VPS35L: variants seen among roughly 807,000 people sequenced by gnomAD.
VPS35L encodes the protein VPS35 endosomal protein-sorting factor-like.
A neutral mutation model predicts 133.0 loss-of-function variants in VPS35L; 83 were observed. The ratio of observed to expected loss-of-function variants is 0.62; its 90% CI spans 0.52 to 0.75. The LOEUF (loss-of-function observed/expected upper bound fraction) is 0.75, where lower values mean the gene tolerates loss of function less well. Ranked by LOEUF, VPS35L falls within the 30% of genes least tolerant of loss-of-function variation. The pLI is 0.00. For synonymous variants in VPS35L, 423 were observed against 449.9 expected (o/e 0.94, Z 0.76); for missense variants, 1,083 against 1,206.8 (o/e 0.90, Z 1.52).
In VPS35L at chr16:19,616,548, A is replaced by C. The variant is rs933739454; in HGVS notation, c.1102-138A>C. On this transcript the variant is annotated intron_variant, in intron 13 of 30. Coordinates refer to ENST00000417362, the MANE Select transcript of VPS35L (RefSeq NM_020314.7). ...TGTTTTTTTTTGGTTTAAAAAAAAAAAACAACCGAGAAACCAGGCTATTTC... is the reference window on the plus strand; with the variant it reads ...TGTTTTTTTTTGGTTTAAAAAAAAACAACAACCGAGAAACCAGGCTATTTC... The C allele has an allele frequency of 1.4e-4, 175 of 1,218,566 alleles. 1 individual carries two copies. Among genetic ancestry groups the C allele is most frequent in the Admixed American group, 1.2e-4 (4 of 32,838 alleles). 75.5% of individuals were successfully genotyped at this position (1,218,566 alleles called of 1,614,324 possible).
At chr16:19,693,085 T>C (rs1975756024) in intron 29 of VPS35L, among the ~76,000 whole-genome samples, 1 of 152,192 alleles carries the variant, frequency 6.6e-6, no homozygotes, top group African/African-American at 2.4e-5. Context: ...CTACTGACCC[T>C]GGGGACCCCG....
chr16:19,663,740 A>C (rs1458050947), intron 26 of VPS35L, among the ~76,000 whole-genome samples: 1 of 115,802 alleles, frequency 8.6e-6, no homozygotes, highest in African/African-American at 3.4e-5. Flanking sequence ...TCTTCAAATG[A>C]TCTTAGAGTT....
At chr16:19,557,027 G>A (rs1054536785) in intron 1 of VPS35L, among the ~76,000 whole-genome samples, 7 of 152,166 alleles carry the variant, frequency 4.6e-5, no homozygotes, top group African/African-American at 1.7e-4. Context: ...AGCTACTTGG[G>A]AGGGTGAGGC....
At chr16:19,618,146 C>T (rs1418405614) in intron 14 of VPS35L, 1 of 147,222 alleles carries the variant, frequency 6.8e-6, no homozygotes, top group Non-Finnish European at 1.5e-5. Context: ...TTTATTTGAT[C>T]ATTGAAAAGT....
At chr16:19,556,764 AC>A (rs1160318367) in intron 1 of VPS35L, among the ~76,000 whole-genome samples, 1 of 150,890 alleles carries the variant, frequency 6.6e-6, no homozygotes, top group Non-Finnish European at 1.5e-5. Flanking sequence ...CTTCCTTGAC[AC>A]GCTACATCAG....
At chr16:19,696,902 G>A (rs1975932356) in intron 29 of VPS35L, among the ~76,000 whole-genome samples, 1 of 152,220 alleles carries the variant, frequency 6.6e-6, no homozygotes. Context: ...CTCTGAAAGA[G>A]TTTTATTTTA....
rs964948528 is a variant in VPS35L, at chr16:19,616,690, A to G, written c.1106A>G (p.His369Arg). 16 of 1,613,534 alleles carry G rather than the reference A, an allele frequency of 9.9e-6. No homozygotes were observed. Among genetic ancestry groups the G allele is most frequent in the Non-Finnish European group, 1.4e-5 (16 of 1,179,832 alleles). ...TGTTTGTTTGGCCTCCTGTAGATTC[A>G]TGGGGATACGGTCCAGAACCAGCTG... ...FDFLLTFKQI[H>R]GDTVQNQLVV... The change falls in exon 14 of 31, where the codon CAT becomes CGT. Residue 369 changes from histidine (H) to arginine (R), a missense_variant. His to Arg is a conservative substitution (Grantham distance 29). Transcript: ENST00000417362.
intron 26 of VPS35L, among the ~76,000 whole-genome samples, chr16:19,660,236 G>A (rs1974438215): frequency 6.6e-6 from 1 of 151,836 alleles, no homozygotes; most frequent in Admixed American, 6.6e-5. Flanking sequence ...AACAAGGCAC[G>A]AGAATTGTTT....
chr16:19,648,673 G>A (rs1974028411), intron 24 of VPS35L, among the ~76,000 whole-genome samples: 1 of 152,044 alleles, frequency 6.6e-6, no homozygotes, highest in African/African-American at 2.4e-5. Flanking sequence ...TTTGAGACCA[G>A]CCTGCCCAAT....
Position 19,699,040 on chromosome 16 carries a change from G to A in VPS35L, c.2647-462G>A, listed in dbSNP as rs146491503. 7.7e-4 allele frequency among the ~76,000 whole-genome samples: 117 copies of A among 152,246 alleles called. No individual in the cohort carries two copies. The highest frequency in any genetic ancestry group is 2.6e-3 in the African/African-American group (107 of 41,540). ...CACCAAGGATTGGGGAGCTCAGTTC[G>A]GGAGATGTGTTTTGGTCTTTATTAC... On this transcript the variant is annotated intron_variant, in intron 29 of 30. Coordinates refer to ENST00000417362, the MANE Select transcript of VPS35L (RefSeq NM_020314.7). The surrounding 1 kb of genome is among the most constrained non-coding windows in gnomAD (Gnocchi z 4.2).
intron 27 of VPS35L, among the ~76,000 whole-genome samples, chr16:19,681,294 T>C (rs1975267627): frequency 1.3e-5 from 2 of 152,376 alleles, no homozygotes; most frequent in Admixed American, 6.5e-5. Context: ...CCATTCCTCC[T>C]GGGCCATGTT....
Position 19,640,190 on chromosome 16 carries a change from G to A in VPS35L, c.1784+90G>A, listed in dbSNP as rs565802674. The A allele has an allele frequency of 1.6e-4, 185 of 1,165,710 alleles. 2 individuals are homozygous for A. In the African/African-American group the frequency reaches 1.9e-3, roughly 12 times the overall value. 72.2% of individuals were successfully genotyped at this position (1,165,710 alleles called of 1,614,324 possible). A position where few individuals can be genotyped will look rare whatever the true frequency, so the allele number is the denominator to read the frequency against. On this transcript the variant is annotated intron_variant, in intron 21 of 30. Transcript: ENST00000417362. ...AAATCAGTTCTTGCACTTTGAGGCC[G>A]AGTGATGTGTACGTATTTCATACAG...
intron 7 of VPS35L, among the ~76,000 whole-genome samples, chr16:19,591,453 C>T (rs1028348587): frequency 4.6e-5 from 7 of 151,480 alleles, no homozygotes; most frequent in Non-Finnish European, 7.4e-5. Context: ...CGGTGGCTCA[C>T]GCCTGTAATT....
intron 1 of VPS35L, among the ~76,000 whole-genome samples, chr16:19,560,934 T>G (rs1302709410): frequency 1.3e-5 from 2 of 152,102 alleles, no homozygotes; most frequent in Non-Finnish European, 2.9e-5. Flanking sequence ...GATAGCATCC[T>G]TGATGGGATG....
At chr16:19,580,260 C>T (rs1462359233) in intron 6 of VPS35L, among the ~76,000 whole-genome samples, 3 of 150,488 alleles carry the variant, frequency 2.0e-5, no homozygotes, top group African/African-American at 4.9e-5. Flanking sequence ...ATTACAGGCA[C>T]GCGCCACCGT....
At chr16:19,615,136 A>G (rs1037338436) in intron 12 of VPS35L, among the ~76,000 whole-genome samples, 1 of 152,160 alleles carries the variant, frequency 6.6e-6, no homozygotes, top group African/African-American at 2.4e-5. Context: ...GCTTGGTCTA[A>G]TAAGTACAAC....
At chr16:19,579,163 A>G (rs1308554071) in intron 6 of VPS35L, 35 bp downstream of exon 6, 1 of 1,595,134 alleles carries the variant, frequency 6.3e-7, no homozygotes, top group Non-Finnish European at 8.6e-7. Context: ...AGGGAGTGGG[A>G]GAGCTTTTCC....
intron 21 of VPS35L, among the ~76,000 whole-genome samples, chr16:19,641,032 G>A (rs1042059400): frequency 1.1e-4 from 17 of 151,298 alleles, no homozygotes; most frequent in Admixed American, 9.9e-4. Context: ...GAGCCACCTC[G>A]CCTAGCTAGG....
intron 24 of VPS35L, 149 bp downstream of exon 24, chr16:19,648,031 G>A (rs997005239): frequency 1.7e-5 from 12 of 714,296 alleles, no homozygotes; most frequent in Non-Finnish European, 2.6e-5. Flanking sequence ...ATAGCTCACT[G>A]TAGCCTTGAA....
Sources: allele counts gnomAD v4.1 joint callset (sites outside exome capture counted in the v4.1 genomes callset), GRCh38; gene constraint gnomAD v4.1.1; non-coding constraint Gnocchi (gnomAD v3.1); transcripts MANE v1.5; gene names NCBI Gene and HGNC (gene_info 2026-07-23, HGNC 2026-07-21).